Variants in GRM5 observed in about 807,000 individuals in gnomAD.
GRM5 encodes the protein metabotropic glutamate receptor 5.
Under a neutral mutation model 83.1 loss-of-function variants are expected in GRM5, and 19 were observed. The ratio of observed to expected loss-of-function variants is 0.23; its 90% CI spans 0.16 to 0.34. The LOEUF (loss-of-function observed/expected upper bound fraction) is 0.34, where lower values mean the gene tolerates loss of function less well. Among genes scored for constraint, GRM5 ranks in the 10% least tolerant of loss-of-function variants. GRM5 has a pLI of 1.00. For synonymous variants in GRM5, 675 were observed against 633.6 expected (o/e 1.07, Z -0.98); for missense variants, 1,160 against 1,588.3 (o/e 0.73, Z 4.58).
chr11:88,803,836 C>T (rs1943446480), intron 3 of GRM5, among the ~76,000 whole-genome samples: 1 of 152,060 alleles, frequency 6.6e-6, no homozygotes, highest in Non-Finnish European at 1.5e-5. Context: ...AACAAATTTA[C>T]AAGAAAAAAA....
At chr11:88,973,586 A>G (rs1939234610) in intron 2 of GRM5, among the ~76,000 whole-genome samples, 1 of 152,116 alleles carries the variant, frequency 6.6e-6, no homozygotes, top group Admixed American at 6.6e-5. Context: ...CAAGGAACAG[A>G]TCTCTCTCTG....
At chr11:88,996,934 A>C (rs1940202255) in intron 2 of GRM5, among the ~76,000 whole-genome samples, 1 of 152,236 alleles carries the variant, frequency 6.6e-6, no homozygotes, top group African/African-American at 2.4e-5. Context: ...GAACTTTTTT[A>C]AATCATTGAA....
intron 4 of GRM5, among the ~76,000 whole-genome samples, chr11:88,631,502 T>A (rs977186695): frequency 6.6e-6 from 1 of 152,216 alleles, no homozygotes; most frequent in Non-Finnish European, 1.5e-5. Context: ...GATCCTTTCA[T>A]AGGATCTTTA....
intron 2 of GRM5, among the ~76,000 whole-genome samples, chr11:88,920,832 G>C (rs1321333480): frequency 6.6e-6 from 1 of 152,108 alleles, no homozygotes; most frequent in Non-Finnish European, 1.5e-5. Flanking sequence ...TTCTCTGAGA[G>C]CCCAGTGACA....
chr11:88,537,844 G>A (rs1177353803), intron 8 of GRM5, among the ~76,000 whole-genome samples: 1 of 152,116 alleles, frequency 6.6e-6, no homozygotes, highest in Non-Finnish European at 1.5e-5. Context: ...AATAGCTCCA[G>A]AAACTAATGG....
chr11:88,590,463 G>T, intron 7 of GRM5, 138 bp downstream of exon 7: 1 of 669,462 alleles, frequency 1.5e-6, no homozygotes, highest in Non-Finnish European at 2.5e-6. Flanking sequence ...ACTTTGGGAA[G>T]CTTGTGTTCC....
chr11:88,872,176 T>C (rs1047107963), intron 2 of GRM5, among the ~76,000 whole-genome samples: 2 of 151,474 alleles, frequency 1.3e-5, no homozygotes, highest in Admixed American at 1.3e-4. Flanking sequence ...GAAAGCTACA[T>C]GTTTCAGAAG....
intron 2 of GRM5, among the ~76,000 whole-genome samples, chr11:88,947,283 G>A (rs1391380866): frequency 6.6e-6 from 1 of 151,898 alleles, no homozygotes; most frequent in Non-Finnish European, 1.5e-5. Flanking sequence ...TTTCTATTTT[G>A]GTATGCTCAT....
intron 4 of GRM5, among the ~76,000 whole-genome samples, chr11:88,651,407 CT>C (rs1402837995): frequency 1.3e-5 from 2 of 152,022 alleles, no homozygotes; most frequent in African/African-American, 4.8e-5. Flanking sequence ...ATCAGAGCTA[CT>C]GCTTACCTTT....
Position 88,587,873 on chromosome 11 carries a change from CAA to C in GRM5, c.1690+2726_1690+2727del, listed in dbSNP as rs202040272. 7.3e-3 allele frequency among the ~76,000 whole-genome samples: 1,114 copies of C among 152,244 alleles called. 11 individuals are homozygous for C. The highest frequency in any genetic ancestry group is 0.026 in the African/African-American group (1,076 of 41,548). On this transcript the variant is annotated intron_variant, in intron 7 of 9. Transcript: ENST00000305447. Reference sequence around the variant, plus strand: ...CTATCAAACCTAGCATAAAAATACACAAGTTTTCCTGTTTCTTTGTGTTTTCC... The same window carrying C: ...CTATCAAACCTAGCATAAAAATACACGTTTTCCTGTTTCTTTGTGTTTTCC...
chr11:88,901,495 G>A (rs1268965080), intron 2 of GRM5, among the ~76,000 whole-genome samples: 1 of 152,034 alleles, frequency 6.6e-6, no homozygotes, highest in East Asian at 1.9e-4. Flanking sequence ...CAGCCTTCAT[G>A]TTCTTTGACC....
At position 88,507,579 on chromosome 11, in the gene GRM5, A is replaced by G. The variant is rs1277824544; in HGVS notation, c.*1013T>C. On this transcript the variant is annotated 3_prime_UTR_variant, in exon 10 of 10. Transcript: ENST00000305447. ...AAAAGAACAAAGGAGCTCTTTGTGC[A>G]TCAGGTTCTCAAAATAAAGGAATGA... The G allele has an allele frequency of 6.6e-6, 1 of 152,238 alleles. No individual in the cohort carries two copies. The highest frequency in any genetic ancestry group is 2.4e-5 in the African/African-American group (1 of 41,462). 9.4% of individuals were successfully genotyped at this position (152,238 alleles called of 1,614,324 possible).
At chr11:88,673,806 C>T (rs1006334819) in intron 3 of GRM5, among the ~76,000 whole-genome samples, 1 of 150,494 alleles carries the variant, frequency 6.6e-6, no homozygotes, top group Admixed American at 6.7e-5. Flanking sequence ...ACCCAGGCTA[C>T]AAGAGAAGCG....
Position 88,636,512 on chromosome 11 carries a change from C to T in GRM5, c.1147+16656G>A, listed in dbSNP as rs139998126. On this transcript the variant is annotated intron_variant, in intron 4 of 9. Coordinates refer to ENST00000305447, the MANE Select transcript of GRM5 (RefSeq NM_001143831.3). The stretch of plus-strand genomic sequence containing the variant: ...CTGCACTACAGCCTGGGTGACAGAG[C>T]GAGACTGTCTCAAAAAAAAAAAGAG... Among the ~76,000 whole-genome samples, 1,017 of 149,272 alleles carry T rather than the reference C, an allele frequency of 6.8e-3. 5 individuals are homozygous for T. Among genetic ancestry groups the T allele is most frequent in the African/African-American group, 0.024 (962 of 40,848 alleles).
intron 3 of GRM5, among the ~76,000 whole-genome samples, chr11:88,812,656 T>C: frequency 6.6e-6 from 1 of 152,150 alleles, no homozygotes; most frequent in East Asian, 1.9e-4. Flanking sequence ...TGGCTGACAC[T>C]GCCTCTCTGC....
chr11:88,900,507 T>C (rs556673127), intron 2 of GRM5, among the ~76,000 whole-genome samples: 2 of 152,162 alleles, frequency 1.3e-5, no homozygotes, highest in Non-Finnish European at 2.9e-5. Context: ...CTGAAAATAT[T>C]ATATACCTAA....
intron 1 of GRM5, among the ~76,000 whole-genome samples, chr11:89,064,888 C>CTGTGTGTGTGTG (rs71464050): frequency 4.8e-4 from 30 of 62,260 alleles, no homozygotes; most frequent in African/African-American, 1.9e-3. Context: ...CTCTCTCTCT[C>CTGTGTGTGTGTG]TGTGTGTGTG....
At chr11:88,582,591 A>G (rs941790397) in intron 7 of GRM5, among the ~76,000 whole-genome samples, 11 of 152,238 alleles carry the variant, frequency 7.2e-5, no homozygotes, top group African/African-American at 2.7e-4. Flanking sequence ...TTAACAAGAA[A>G]TATTTATTAA....
chr11:88,546,795 C>G (rs1159177181), intron 8 of GRM5, among the ~76,000 whole-genome samples: 1 of 151,934 alleles, frequency 6.6e-6, no homozygotes, highest in Non-Finnish European at 1.5e-5. Context: ...TGTACAAGAA[C>G]AATTTGAGTG....
Sources: gnomAD v4.1 joint callset for allele counts (sites outside exome capture counted in the v4.1 genomes callset) on GRCh38, gnomAD v4.1.1 for gene constraint, MANE v1.5 for transcripts, NCBI Gene and HGNC (gene_info 2026-07-23, HGNC 2026-07-21) for gene names.